Variants in SFXN4 observed in about 807,000 individuals in gnomAD.
SFXN4 encodes sideroflexin-4.
A neutral mutation model predicts 54.6 loss-of-function variants in SFXN4; 48 were observed. That is an observed-to-expected ratio of 0.88 (90% CI 0.70 to 1.12). The LOEUF is 1.12. Ranked by LOEUF, SFXN4 falls within the 50% of genes most tolerant of loss-of-function variation. The pLI, the probability that SFXN4 is intolerant of heterozygous loss-of-function variation, is 0.00. For missense variants in SFXN4, 383 were observed against 409.2 expected (o/e 0.94, Z 0.55); for synonymous variants, 130 against 145.5 (o/e 0.89, Z 0.77).
chr10:119,152,289 G>A (rs1480496692), intron 11 of SFXN4, among the ~76,000 whole-genome samples: 1 of 148,134 alleles, frequency 6.8e-6, no homozygotes, highest in Admixed American at 6.7e-5. Flanking sequence ...TTGTTTGTTT[G>A]TTATTTTTGA....
chr10:119,158,244 C>T, intron 6 of SFXN4, 182 bp from the exon 7 acceptor site: 3 of 631,868 alleles, frequency 4.7e-6, no homozygotes, highest in East Asian at 2.8e-5. Flanking sequence ...CTGCCAAACA[C>T]CAAACTAGCA....
At position 119,165,631 on chromosome 10, in the gene SFXN4, T is replaced by C; in HGVS notation, c.17A>G (p.Glu6Gly). The C allele has an allele frequency of 6.3e-7, 1 of 1,590,300 alleles. No homozygotes were observed. The highest frequency in any genetic ancestry group is 8.5e-7 in the Non-Finnish European group (1 of 1,170,600). The change falls in exon 1 of 14, where the codon GAG becomes GGG. Residue 6 changes from glutamate to glycine, a missense_variant. Physicochemically the swap from Glu to Gly is moderately conservative, Grantham distance 98. Coordinates refer to ENST00000355697, the MANE Select transcript of SFXN4 (RefSeq NM_213649.2). Reference protein sequence around the residue: MSLEQEEETQPGRLLG... With the variant: MSLEQGEETQPGRLLG... The stretch of plus-strand genomic sequence containing the variant: ...GAGCCGCCCAGGTTGCGTTTCCTCC[T>C]CCTGTTCCAGGGACATTTTGCGCTG...
At chr10:119,147,929 G>A in intron 11 of SFXN4, 69 bp from the exon 12 acceptor site, 5 of 1,266,602 alleles carry the variant, frequency 3.9e-6, no homozygotes, top group South Asian at 3.6e-5. Flanking sequence ...CCTGCACTTT[G>A]GGAGGCCGAG....
intron 10 of SFXN4, 85 bp downstream of exon 10, chr10:119,156,593 G>T: frequency 1.9e-6 from 2 of 1,060,902 alleles, no homozygotes; most frequent in Non-Finnish European, 2.8e-6. Context: ...TGCCAAGGGA[G>T]CCAGGTGCCT....
chr10:119,149,400 G>A (rs1169588520), intron 11 of SFXN4, among the ~76,000 whole-genome samples: 1 of 152,156 alleles, frequency 6.6e-6, no homozygotes, highest in African/African-American at 2.4e-5. Context: ...TCCCTCTGCA[G>A]GGAATGCCTT....
intron 6 of SFXN4, among the ~76,000 whole-genome samples, chr10:119,159,086 C>G (rs1307892075): frequency 3.3e-5 from 5 of 152,132 alleles, no homozygotes; most frequent in Admixed American, 6.6e-5. Flanking sequence ...TCGAGACCAG[C>G]CTAGCCAACA....
intron 11 of SFXN4, among the ~76,000 whole-genome samples, chr10:119,148,899 T>C (rs536902500): frequency 7.2e-4 from 109 of 152,222 alleles, no homozygotes; most frequent in African/African-American, 2.3e-3. Flanking sequence ...TATTTATTTA[T>C]TTTTAGAGAC....
intron 1 of SFXN4, 48 bp downstream of exon 1, chr10:119,165,484 GCGGCC>G: frequency 6.7e-7 from 1 of 1,494,712 alleles, no homozygotes; most frequent in Non-Finnish European, 8.8e-7. Flanking sequence ...CCGACTCCAC[GCGGCC>G]CGGCCCGCCC....
At chr10:119,148,854 A>G (rs1285688116) in intron 11 of SFXN4, among the ~76,000 whole-genome samples, 1 of 152,108 alleles carries the variant, frequency 6.6e-6, no homozygotes, top group African/African-American at 2.4e-5. Context: ...TTTGACTATA[A>G]GACAGCTCAC....
intron 11 of SFXN4, among the ~76,000 whole-genome samples, chr10:119,151,219 A>G (rs1304076947): frequency 6.6e-6 from 1 of 152,032 alleles, no homozygotes; most frequent in East Asian, 1.9e-4. Context: ...AATACAAAAA[A>G]TTAGTTGGGC....
chr10:119,163,246 T>A lies in SFXN4; in HGVS notation c.178-832A>T, dbSNP rs375430800. On this transcript the variant is annotated intron_variant, in intron 2 of 13. Transcript: ENST00000355697. ...ATTTTCTTTCTTCTTTTTTTTTTTTTAAAGATGGAGTTTCACTCTTGTCAC... is the reference window on the plus strand; with the variant it reads ...ATTTTCTTTCTTCTTTTTTTTTTTTAAAAGATGGAGTTTCACTCTTGTCAC... Among the ~76,000 whole-genome samples the A allele has an allele frequency of 1.8e-4, 26 of 145,356 alleles. No homozygotes were observed. The South Asian group carries it at 5.3e-3, about 30-fold the overall frequency.
chr10:119,164,902 GA>G (rs1847705632), intron 1 of SFXN4, among the ~76,000 whole-genome samples: 1 of 152,180 alleles, frequency 6.6e-6, no homozygotes, highest in Non-Finnish European at 1.5e-5. Flanking sequence ...GCCGGATTTG[GA>G]ACACTCTGTA....
intron 11 of SFXN4, among the ~76,000 whole-genome samples, chr10:119,149,030 G>A (rs1846939455): frequency 6.6e-6 from 1 of 152,016 alleles, no homozygotes; most frequent in Non-Finnish European, 1.5e-5. Flanking sequence ...AGGATCACAG[G>A]TACACCCTAC....
intron 11 of SFXN4, among the ~76,000 whole-genome samples, chr10:119,153,774 C>G (rs995525467): frequency 2.0e-4 from 31 of 152,266 alleles, no homozygotes; most frequent in African/African-American, 7.5e-4. Flanking sequence ...GTCAGCCTCA[C>G]GGGTCACCAT....
At chr10:119,148,993 C>A (rs1272125343) in intron 11 of SFXN4, among the ~76,000 whole-genome samples, 1 of 152,050 alleles carries the variant, frequency 6.6e-6, no homozygotes. Context: ...CTCAAGTGAT[C>A]CTCCTACCTT....
chr10:119,153,064 T>C (rs17605434), intron 11 of SFXN4, among the ~76,000 whole-genome samples: 44,684 of 152,010 alleles, frequency 0.29, 7,335 homozygotes, highest in South Asian at 0.39. Flanking sequence ...CCATAGACTA[T>C]ACCAGGTTCT....
Position 119,146,460 on chromosome 10 carries a change from T to TGC in SFXN4, c.819-109_819-108dup, listed in dbSNP as rs1554885827. The TGC allele has an allele frequency of 0.022, 12,400 of 566,582 alleles. 52 individuals carry two copies. Among genetic ancestry groups the TGC allele is most frequent in the South Asian group, 0.041 (1,544 of 38,082 alleles). The allele number at this position is 566,582 out of a possible 1,614,324, so 35.1% of individuals were successfully genotyped here. On this transcript the variant is annotated intron_variant, in intron 12 of 13. Transcript: ENST00000355697. ...GTGTGTGTGTGTGTGTGTGTGTGTG[T>TGC]GCACGTGTGTGTGTACCTGAACACC...
chr10:119,158,212 G>A (rs1423974892), intron 6 of SFXN4, 150 bp from the exon 7 acceptor site: 17 of 705,066 alleles, frequency 2.4e-5, no homozygotes, highest in South Asian at 1.1e-4. Flanking sequence ...CTGCCGGTCC[G>A]TAGACAAGGT....
At chr10:119,158,139 G>C in intron 6 of SFXN4, 77 bp from the exon 7 acceptor site, 1 of 1,366,126 alleles carries the variant, frequency 7.3e-7, no homozygotes, top group Non-Finnish European at 1.0e-6. Context: ...AACTTTCCAG[G>C]GGAGAGGGAG....
Sources: gnomAD v4.1 joint callset for allele counts (sites outside exome capture counted in the v4.1 genomes callset) on GRCh38, gnomAD v4.1.1 for gene constraint, MANE v1.5 for transcripts, NCBI Gene and HGNC (gene_info 2026-07-23, HGNC 2026-07-21) for gene names.